The following LDB2 variants were observed in gnomAD, a reference collection of about 807,000 sequenced individuals.
LDB2 encodes LIM domain binding 2, also known as LIM domain-binding protein 2.
In LDB2, 12 loss-of-function variants were observed where a neutral mutation model predicts 44.3. The observed-to-expected ratio is 0.27, with a 90% CI of 0.17 to 0.44. LDB2 has a LOEUF of 0.44. Among genes scored for constraint, LDB2 ranks in the 20% least tolerant of loss-of-function variants. The pLI, the probability that LDB2 is intolerant of heterozygous loss-of-function variation, is 1.00. For synonymous variants in LDB2, 164 were observed against 174.8 expected (o/e 0.94, Z 0.49); for missense variants, 344 against 473.5 (o/e 0.73, Z 2.54).
At chr4:16,745,297 G>C (rs115363327) in intron 2 of LDB2, among the ~76,000 whole-genome samples, 3,312 of 152,290 alleles carry the variant, frequency 0.022, 128 homozygotes, top group African/African-American at 0.074. Flanking sequence ...ATGAATGCAG[G>C]CTGAGGCAAT....
At chr4:16,573,464 G>C (rs1205728627) in intron 5 of LDB2, among the ~76,000 whole-genome samples, 1 of 152,158 alleles carries the variant, frequency 6.6e-6, no homozygotes. Context: ...GAGTCCACTG[G>C]TCATGCACTA....
Position 16,586,021 on chromosome 4 carries a change from A to T in LDB2, c.532-16T>A. 2.5e-6 allele frequency: 4 copies of T among 1,601,508 alleles called. No homozygotes were observed. In the South Asian group the frequency reaches 3.3e-5, roughly 13 times the overall value. ...GATCTTGTGCCTAAATGGAAAAAAAACCCCACATGTATTTTATCACTACAG... is the reference window on the plus strand; with the variant it reads ...GATCTTGTGCCTAAATGGAAAAAAATCCCCACATGTATTTTATCACTACAG... On this transcript the variant is annotated splice_polypyrimidine_tract_variant and intron_variant, in intron 4 of 7. Coordinates refer to ENST00000304523, the MANE Select transcript of LDB2 (RefSeq NM_001290.5).
chr4:16,544,124 CAG>C (rs901781645), intron 5 of LDB2, among the ~76,000 whole-genome samples: 45 of 152,240 alleles, frequency 3.0e-4, no homozygotes, highest in African/African-American at 1.0e-3. Context: ...GAAGGAAAAA[CAG>C]AGGATCATAA....
intron 6 of LDB2, 144 bp from the exon 7 acceptor site, chr4:16,508,830 G>C (rs1163008670): frequency 2.7e-6 from 2 of 741,974 alleles, no homozygotes; most frequent in African/African-American, 3.6e-5. Context: ...GCTTTAGAAA[G>C]AATAAAAGGA....
intron 5 of LDB2, among the ~76,000 whole-genome samples, chr4:16,573,614 T>G (rs962118098): frequency 1.3e-5 from 2 of 152,208 alleles, no homozygotes; most frequent in African/African-American, 4.8e-5. Context: ...GCAGCTTTTA[T>G]GCTTAAGTCT....
chr4:16,808,282 T>C (rs532616145), intron 1 of LDB2, among the ~76,000 whole-genome samples: 112 of 151,868 alleles, frequency 7.4e-4, no homozygotes, highest in African/African-American at 2.6e-3. Context: ...CCCAAGAGAG[T>C]GATAGATATG....
intron 1 of LDB2, among the ~76,000 whole-genome samples, chr4:16,838,814 C>A (rs1351864710): frequency 2.0e-5 from 3 of 152,202 alleles, no homozygotes; most frequent in Non-Finnish European, 4.4e-5. Flanking sequence ...AAGCAAAAAG[C>A]TTAGTTCCAT....
intron 1 of LDB2, among the ~76,000 whole-genome samples, chr4:16,786,739 A>G (rs376584501): frequency 6.6e-6 from 1 of 152,166 alleles, no homozygotes; most frequent in Non-Finnish European, 1.5e-5. Context: ...TCAATATAAG[A>G]GACTTAGAAC....
intron 1 of LDB2, among the ~76,000 whole-genome samples, chr4:16,852,657 A>G (rs11729973): frequency 0.017 from 2,571 of 152,300 alleles, 25 homozygotes; most frequent in South Asian, 0.043. Context: ...TTAGGATTTT[A>G]TCAGTTTGTT....
chr4:16,870,121 C>T (rs1716039650), intron 1 of LDB2, among the ~76,000 whole-genome samples: 1 of 152,114 alleles, frequency 6.6e-6, no homozygotes. Flanking sequence ...CGATCCACGA[C>T]ATTCAGAGGT....
intron 2 of LDB2, among the ~76,000 whole-genome samples, chr4:16,675,740 A>T (rs1746114306): frequency 6.6e-6 from 1 of 152,340 alleles, no homozygotes; most frequent in East Asian, 1.9e-4. Flanking sequence ...TATGTTTAAC[A>T]TTTTAAAATA....
At chr4:16,511,244 T>C (rs1213455275) in intron 6 of LDB2, among the ~76,000 whole-genome samples, 1 of 152,186 alleles carries the variant, frequency 6.6e-6, no homozygotes, top group East Asian at 1.9e-4. Context: ...AATGGCTACA[T>C]TTTGCTTTTA....
chr4:16,526,766 C>T (rs1427659728), intron 5 of LDB2, among the ~76,000 whole-genome samples: 3 of 152,170 alleles, frequency 2.0e-5, no homozygotes, highest in Non-Finnish European at 2.9e-5. Context: ...CAGATTCTCC[C>T]TGAGAGCCTC....
chr4:16,745,911 T>G (rs1764289436), intron 2 of LDB2, among the ~76,000 whole-genome samples: 2 of 151,814 alleles, frequency 1.3e-5, no homozygotes, highest in South Asian at 4.2e-4. Context: ...AAAAAAAAGT[T>G]CTGAATAGTG....
At chr4:16,628,475 T>C (rs144956811) in intron 2 of LDB2, among the ~76,000 whole-genome samples, 48 of 152,290 alleles carry the variant, frequency 3.2e-4, no homozygotes, top group Admixed American at 8.5e-4. Context: ...TCCATCTTCC[T>C]ATGATTTGGG....
chr4:16,584,834 A>G (rs76257395), intron 5 of LDB2, among the ~76,000 whole-genome samples: 16,733 of 152,126 alleles, frequency 0.11, 1,015 homozygotes, highest in African/African-American at 0.14. Context: ...AGGAAATTTG[A>G]TGTTTATTAA....
chr4:16,766,366 C>T (rs1037298180), intron 1 of LDB2, among the ~76,000 whole-genome samples: 14 of 150,616 alleles, frequency 9.3e-5, no homozygotes, highest in African/African-American at 2.9e-4. Context: ...AAGACCTATC[C>T]AATTTATATA....
At chr4:16,632,106 T>C (rs1305545473) in intron 2 of LDB2, among the ~76,000 whole-genome samples, 1 of 152,192 alleles carries the variant, frequency 6.6e-6, no homozygotes, top group Non-Finnish European at 1.5e-5. Context: ...ATCATCCTGA[T>C]ACCAAAGCCT....
chr4:16,551,812 C>T (rs1737787695), intron 5 of LDB2, among the ~76,000 whole-genome samples: 1 of 152,228 alleles, frequency 6.6e-6, no homozygotes, highest in Non-Finnish European at 1.5e-5. Context: ...CCGCCGCACC[C>T]GACCAACTAT....
Sources: allele counts gnomAD v4.1 joint callset (sites outside exome capture counted in the v4.1 genomes callset), GRCh38; gene constraint gnomAD v4.1.1; transcripts MANE v1.5; gene names NCBI Gene and HGNC (gene_info 2026-07-23, HGNC 2026-07-21).